Variants in DNER observed in about 807,000 individuals in gnomAD.
DNER encodes delta and Notch-like epidermal growth factor-related receptor.
A neutral mutation model predicts 78.2 loss-of-function variants in DNER; 33 were observed. That is an observed-to-expected ratio of 0.42 (90% CI 0.32 to 0.56). The LOEUF (loss-of-function observed/expected upper bound fraction) is 0.56, where lower values mean the gene tolerates loss of function less well. DNER is among the 20% of genes least tolerant of loss of function. The probability of loss-of-function intolerance (pLI) is 0.11; values close to 1 mark genes in which losing one functional copy is unlikely to be tolerated. For missense variants in DNER, 918 were observed against 975.3 expected, an observed-to-expected ratio of 0.94 and a Z score of 0.78; for synonymous variants, 417 against 384.8, an observed-to-expected ratio of 1.08 and a Z score of -0.98.
At chr2:229,453,920 T>TAAAAAAAAAAAAAAAAAAA (rs10602558) in intron 7 of DNER, among the ~76,000 whole-genome samples, 3 of 106,862 alleles carry the variant, frequency 2.8e-5, no homozygotes, top group African/African-American at 6.6e-5. Context: ...TAAAATATAT[T>TAAAAAAAAAAAAAAAAAAA]AAAAAAAAAA....
At chr2:229,657,769 C>G (rs1451130580) in intron 1 of DNER, among the ~76,000 whole-genome samples, 2 of 152,158 alleles carry the variant, frequency 1.3e-5, no homozygotes, top group East Asian at 3.8e-4. Flanking sequence ...GCTAAAATAC[C>G]TGCCGGGTGG....
intron 1 of DNER, among the ~76,000 whole-genome samples, chr2:229,704,763 C>T (rs542445694): frequency 6.6e-6 from 1 of 152,154 alleles, no homozygotes; most frequent in Non-Finnish European, 1.5e-5. Flanking sequence ...AAATGAATGC[C>T]AAGAAGAGTG....
chr2:229,642,636 T>C (rs1574940424), intron 1 of DNER, among the ~76,000 whole-genome samples: 1 of 152,138 alleles, frequency 6.6e-6, no homozygotes, highest in Non-Finnish European at 1.5e-5. Context: ...GGGCCTTGAG[T>C]GAGCCACTGC....
At chr2:229,686,186 T>C (rs907752699) in intron 1 of DNER, among the ~76,000 whole-genome samples, 12 of 152,098 alleles carry the variant, frequency 7.9e-5, no homozygotes, top group Non-Finnish European at 1.3e-4. Context: ...GTCAGGCAAA[T>C]ACACCCACAT....
chr2:229,702,916 CAAAAA>C (rs775005338), intron 1 of DNER, among the ~76,000 whole-genome samples: 1 of 103,920 alleles, frequency 9.6e-6, no homozygotes. Flanking sequence ...GACTCCGCCT[CAAAAA>C]AAAAAAAAAA....
intron 1 of DNER, among the ~76,000 whole-genome samples, chr2:229,672,670 G>A (rs776689442): frequency 1.3e-5 from 2 of 151,512 alleles, no homozygotes; most frequent in Non-Finnish European, 2.9e-5. Flanking sequence ...GGAATTAAGG[G>A]AGAGATATGA....
At chr2:229,626,162 G>A (rs1422227146) in intron 1 of DNER, among the ~76,000 whole-genome samples, 2 of 152,068 alleles carry the variant, frequency 1.3e-5, no homozygotes, top group Admixed American at 6.5e-5. Context: ...CTCGTGATCC[G>A]CCTGCCTCGG....
chr2:229,366,196 G>A (rs1430971630), intron 12 of DNER, among the ~76,000 whole-genome samples: 1 of 152,136 alleles, frequency 6.6e-6, no homozygotes, highest in Non-Finnish European at 1.5e-5. Flanking sequence ...GAAGGAAAAA[G>A]TATATATATT....
At chr2:229,711,623 A>G (rs1699914499) in intron 1 of DNER, among the ~76,000 whole-genome samples, 1 of 152,234 alleles carries the variant, frequency 6.6e-6, no homozygotes, top group African/African-American at 2.4e-5. Context: ...CACAGAAAGA[A>G]ACTTCAAGGT....
intron 1 of DNER, among the ~76,000 whole-genome samples, chr2:229,679,197 G>C (rs2154217057): frequency 6.6e-6 from 1 of 152,182 alleles, no homozygotes; most frequent in Admixed American, 6.5e-5. Flanking sequence ...TCTTAAACAA[G>C]AATATTAGAA....
rs79195392 is a variant in DNER, at chr2:229,710,452, G to A, written c.276+3696C>T. ...ATTGGGACAGTCACTTCACTTTTCT[G>A]TACTTCATCTATAAAATGGGAGTAG... is the stretch of plus-strand genomic sequence containing the variant. On this transcript the variant is annotated intron_variant, in intron 1 of 12. Transcript: ENST00000341772. Among the ~76,000 whole-genome samples the A allele has an allele frequency of 9.2e-3, 1,399 of 152,194 alleles. 23 individuals carry two copies. Among genetic ancestry groups the A allele is most frequent in the African/African-American group, 0.032 (1,328 of 41,512 alleles).
intron 5 of DNER, among the ~76,000 whole-genome samples, chr2:229,517,109 CAAAA>C (rs57947628): frequency 6.9e-5 from 4 of 57,876 alleles, no homozygotes; most frequent in Admixed American, 1.8e-4. Flanking sequence ...GACTCCGTCT[CAAAA>C]AAAAAAAAAA....
intron 4 of DNER, among the ~76,000 whole-genome samples, chr2:229,584,030 A>G (rs547768015): frequency 3.2e-4 from 49 of 152,366 alleles, no homozygotes; most frequent in Non-Finnish European, 6.0e-4. Context: ...AAAGTGCAAT[A>G]TAAATTATAG....
chr2:229,596,819 A>G (rs1031720522), intron 1 of DNER, among the ~76,000 whole-genome samples: 1 of 152,272 alleles, frequency 6.6e-6, no homozygotes, highest in Non-Finnish European at 1.5e-5. Flanking sequence ...AAACACTCTT[A>G]GTGAAGAAGA....
intron 5 of DNER, among the ~76,000 whole-genome samples, chr2:229,529,174 T>C (rs1362454456): frequency 1.1e-4 from 16 of 152,188 alleles, no homozygotes; most frequent in Admixed American, 1.0e-3. Flanking sequence ...TGCTTTTGAT[T>C]CTAGATACCA....
chr2:229,598,220 T>C (rs2154214832), intron 1 of DNER, among the ~76,000 whole-genome samples: 1 of 152,336 alleles, frequency 6.6e-6, no homozygotes, highest in South Asian at 2.1e-4. Context: ...GACACAGAGG[T>C]GACTAACTTC....
intron 1 of DNER, among the ~76,000 whole-genome samples, chr2:229,700,464 T>C (rs1699728719): frequency 6.6e-6 from 1 of 151,888 alleles, no homozygotes; most frequent in Non-Finnish European, 1.5e-5. Flanking sequence ...GCTTCCCAAG[T>C]AGCTGGGTTT....
chr2:229,547,724 C>A (rs181870074), intron 4 of DNER, among the ~76,000 whole-genome samples: 35 of 152,262 alleles, frequency 2.3e-4, no homozygotes, highest in Non-Finnish European at 3.7e-4. Context: ...CAGTTTTAGC[C>A]ATCTAATAAA....
chr2:229,549,866 G>A (rs558405660), intron 4 of DNER, among the ~76,000 whole-genome samples: 3 of 151,824 alleles, frequency 2.0e-5, no homozygotes, highest in South Asian at 2.1e-4. Context: ...AGCCAAGATC[G>A]TGCCACTGCA....
Sources: allele counts gnomAD v4.1 joint callset (sites outside exome capture counted in the v4.1 genomes callset), GRCh38; gene constraint gnomAD v4.1.1; transcripts MANE v1.5; gene names NCBI Gene and HGNC (gene_info 2026-07-23, HGNC 2026-07-21).